ANKRD30A: variants seen among roughly 807,000 people sequenced by gnomAD.
ANKRD30A encodes ankyrin repeat domain-containing protein 30A.
ANKRD30A carries 170 observed loss-of-function variants against 166.3 expected under a neutral mutation model. The observed-to-expected ratio is 1.02, with a 90% confidence interval of 0.90 to 1.16. ANKRD30A has a LOEUF of 1.16. Ranked by LOEUF, ANKRD30A falls within the 50% of genes most tolerant of loss-of-function variation. ANKRD30A has a pLI of 0.00. For missense variants in ANKRD30A, 1,630 were observed against 1,518.0 expected (o/e 1.07, Z -1.23); for synonymous variants, 564 against 508.9 (o/e 1.11, Z -1.46).
At chr10:37,137,281 G>T (rs1416474970) in intron 6 of ANKRD30A, among the ~76,000 whole-genome samples, 3 of 152,136 alleles carry the variant, frequency 2.0e-5, no homozygotes, top group African/African-American at 7.2e-5. Context: ...CCAGTCTACA[G>T]CTCCCAGCGT....
Position 37,142,050 on chromosome 10 carries a change from T to A in ANKRD30A, c.1153T>A (p.Trp385Arg). Residue 385 changes from tryptophan to arginine, a missense_variant, in exon 7 of 36, where the codon TGG becomes AGG. Trp to Arg is a moderately radical substitution (Grantham distance 101). Transcript: ENST00000361713. ...AAAAGGAAGACCTAGGAAGATCGCATGGGAGAAAAAAGAAGACACACCTAG... is the reference window on the plus strand; with the variant it reads ...AAAAGGAAGACCTAGGAAGATCGCAAGGGAGAAAAAAGAAGACACACCTAG... ...PAKGRPRKIA[W>R]EKKEDTPREI... The A allele has an allele frequency of 6.2e-7, 1 of 1,605,262 alleles. No individual in the cohort carries two copies. The highest frequency in any genetic ancestry group is 8.5e-7 in the Non-Finnish European group (1 of 1,176,878).
At chr10:37,179,049 T>G (rs1839980010) in intron 24 of ANKRD30A, among the ~76,000 whole-genome samples, 2 of 123,174 alleles carry the variant, frequency 1.6e-5, no homozygotes, top group African/African-American at 5.6e-5. Flanking sequence ...TATATATATA[T>G]ATATATATAT....
chr10:37,202,972 C>T (rs1841743240), intron 31 of ANKRD30A, among the ~76,000 whole-genome samples: 1 of 152,148 alleles, frequency 6.6e-6, no homozygotes, highest in Non-Finnish European at 1.5e-5. Context: ...ATAACAGGCT[C>T]TGTAATTGAG....
the ANKRD30A span, among the ~76,000 whole-genome samples, chr10:37,262,718 T>G: frequency 6.6e-6 from 1 of 152,198 alleles, no homozygotes; most frequent in African/African-American, 2.4e-5. Context: ...TCTTGGTGAT[T>G]TATTTGCTTG....
intron 27 of ANKRD30A, 71 bp downstream of exon 27, chr10:37,193,329 T>C: frequency 6.7e-7 from 1 of 1,488,122 alleles, no homozygotes; most frequent in Non-Finnish European, 9.2e-7. Context: ...GTGAGACTTT[T>C]CATTCCCAAT....
At chr10:37,137,892 G>A (rs1836825628) in intron 6 of ANKRD30A, among the ~76,000 whole-genome samples, 1 of 152,184 alleles carries the variant, frequency 6.6e-6, no homozygotes, top group Admixed American at 6.5e-5. Flanking sequence ...GCAGCACCCA[G>A]CACGCAGCTG....
chr10:37,161,004 A>C (rs1838811867), intron 15 of ANKRD30A, among the ~76,000 whole-genome samples: 1 of 152,252 alleles, frequency 6.6e-6, no homozygotes, highest in Admixed American at 6.5e-5. Context: ...CTGTAATCCC[A>C]GCACGTTGGG....
intron 13 of ANKRD30A, among the ~76,000 whole-genome samples, chr10:37,154,595 A>G (rs1838222853): frequency 6.6e-6 from 1 of 152,176 alleles, no homozygotes; most frequent in Non-Finnish European, 1.5e-5. Flanking sequence ...CTACCACTAA[A>G]CAAAAGGAAA....
chr10:37,190,278 T>C (rs1840430710), intron 25 of ANKRD30A, among the ~76,000 whole-genome samples: 1 of 151,892 alleles, frequency 6.6e-6, no homozygotes. Context: ...CAGGTGATGC[T>C]GATGCTGGTG....
At chr10:37,206,560 C>T (rs945792822) in intron 31 of ANKRD30A, among the ~76,000 whole-genome samples, 5 of 152,046 alleles carry the variant, frequency 3.3e-5, no homozygotes, top group Non-Finnish European at 7.4e-5. Flanking sequence ...GAGGCCAAGG[C>T]GGGCAGATCA....
chr10:37,205,469 G>T (rs1372117648), intron 31 of ANKRD30A, among the ~76,000 whole-genome samples: 1 of 151,974 alleles, frequency 6.6e-6, no homozygotes, highest in Non-Finnish European at 1.5e-5. Context: ...GGAGGTGGGA[G>T]GGATAGCATT....
intron 7 of ANKRD30A, 87 bp downstream of exon 7, chr10:37,142,377 G>A: frequency 8.0e-7 from 1 of 1,247,022 alleles, no homozygotes; most frequent in Non-Finnish European, 1.1e-6. Context: ...AGTTGGGAAT[G>A]ACTTGAATAT....
chr10:37,261,493 T>C, the ANKRD30A span, among the ~76,000 whole-genome samples: 1 of 152,178 alleles, frequency 6.6e-6, no homozygotes, highest in Non-Finnish European at 1.5e-5. Context: ...AGATGAATCA[T>C]AAATGAACAC....
chr10:37,259,801 C>T, the ANKRD30A span, among the ~76,000 whole-genome samples: 1 of 152,166 alleles, frequency 6.6e-6, no homozygotes, highest in Non-Finnish European at 1.5e-5. Context: ...AGTAGCTACT[C>T]TTTTGGGAAG....
intron 34 of ANKRD30A, among the ~76,000 whole-genome samples, chr10:37,222,262 T>A (rs1253374767): frequency 6.6e-6 from 1 of 151,258 alleles, no homozygotes; most frequent in Admixed American, 6.6e-5. Context: ...CCCACCTCCA[T>A]GTTTCTTCAC....
At chr10:37,265,266 G>T in the ANKRD30A span, among the ~76,000 whole-genome samples, 1 of 152,134 alleles carries the variant, frequency 6.6e-6, no homozygotes, top group African/African-American at 2.4e-5. Context: ...TATCAAGTTT[G>T]GATAGAAAGG....
intron 32 of ANKRD30A, 113 bp from the exon 33 acceptor site, chr10:37,217,582 C>G: frequency 1.2e-6 from 1 of 855,924 alleles, no homozygotes; most frequent in Non-Finnish European, 1.6e-6. Context: ...GAAAAAAATT[C>G]AAGAATATAG....
chr10:37,190,128 G>T (rs955709527), intron 25 of ANKRD30A, among the ~76,000 whole-genome samples: 1 of 151,818 alleles, frequency 6.6e-6, no homozygotes, highest in Non-Finnish European at 1.5e-5. Context: ...ATATCTGCAT[G>T]GCCACACATG....
At chr10:37,207,183 A>C (rs934833478) in intron 31 of ANKRD30A, among the ~76,000 whole-genome samples, 1 of 152,178 alleles carries the variant, frequency 6.6e-6, no homozygotes, top group Non-Finnish European at 1.5e-5. Flanking sequence ...ATCCATACTC[A>C]TAAATTCATT....
Sources: gnomAD v4.1 joint callset for allele counts (sites outside exome capture counted in the v4.1 genomes callset) on GRCh38, gnomAD v4.1.1 for gene constraint, MANE v1.5 for transcripts, NCBI Gene and HGNC (gene_info 2026-07-23, HGNC 2026-07-21) for gene names.